The following GBE1 variants were observed in gnomAD, a reference collection of about 807,000 sequenced individuals.
The protein encoded by GBE1 is 1,4-alpha-glucan-branching enzyme.
In GBE1, 70 loss-of-function variants were observed where a neutral mutation model predicts 88.8. That is an observed-to-expected ratio of 0.79 (90% CI 0.65 to 0.96). The LOEUF (loss-of-function observed/expected upper bound fraction) is 0.96, where lower values mean the gene tolerates loss of function less well. Among genes scored for constraint, GBE1 ranks in the 40% least tolerant of loss-of-function variants. The pLI is 0.00. For missense variants in GBE1, 872 were observed against 871.0 expected, an observed-to-expected ratio of 1.00 and a Z score of -0.01; for synonymous variants, 284 against 300.1, an observed-to-expected ratio of 0.95 and a Z score of 0.56.
intron 3 of GBE1, among the ~76,000 whole-genome samples, chr3:81,665,400 G>T (rs1166030576): frequency 1.3e-5 from 2 of 152,052 alleles, no homozygotes; most frequent in Non-Finnish European, 2.9e-5. Flanking sequence ...GCCGGGCGTG[G>T]TGGCGGGCGC....
chr3:81,532,513 C>A (rs1033502605), intron 14 of GBE1, among the ~76,000 whole-genome samples: 1 of 151,986 alleles, frequency 6.6e-6, no homozygotes, highest in African/African-American at 2.4e-5. Context: ...TTAGTTCATG[C>A]CCTAATTATC....
intron 1 of GBE1, among the ~76,000 whole-genome samples, chr3:81,735,571 G>A (rs567445586): frequency 1.0e-3 from 157 of 152,314 alleles, no homozygotes; most frequent in African/African-American, 1.3e-3. Context: ...TTTTCCAGGC[G>A]ACTTCCATAA....
intron 2 of GBE1, among the ~76,000 whole-genome samples, chr3:81,685,289 C>A: frequency 6.6e-6 from 1 of 152,134 alleles, no homozygotes; most frequent in South Asian, 2.1e-4. Context: ...ACCTCCTCTC[C>A]TTCAGTCCGT....
intron 12 of GBE1, among the ~76,000 whole-genome samples, chr3:81,564,170 C>A (rs1703459381): frequency 6.6e-6 from 1 of 152,078 alleles, no homozygotes; most frequent in Non-Finnish European, 1.5e-5. Flanking sequence ...GCACCTCTGT[C>A]CATTTCTCCA....
intron 9 of GBE1, among the ~76,000 whole-genome samples, 154 bp downstream of exon 9, chr3:81,590,883 T>C (rs998571345): frequency 6.6e-6 from 1 of 152,066 alleles, no homozygotes; most frequent in African/African-American, 2.4e-5. Flanking sequence ...TTCTAAATAA[T>C]GTGCCACCCA....
chr3:81,551,614 C>T (rs1339173804), intron 12 of GBE1, among the ~76,000 whole-genome samples: 2 of 152,172 alleles, frequency 1.3e-5, no homozygotes, highest in Non-Finnish European at 2.9e-5. Flanking sequence ...AGTTGTCCCA[C>T]CTGTCCTTCA....
intron 12 of GBE1, among the ~76,000 whole-genome samples, chr3:81,565,325 T>C (rs1264308160): frequency 1.3e-5 from 2 of 152,166 alleles, no homozygotes; most frequent in Non-Finnish European, 1.5e-5. Flanking sequence ...CAGGAGAGTG[T>C]ATTTTGTCTT....
At chr3:81,525,733 A>T (rs879145277) in intron 14 of GBE1, among the ~76,000 whole-genome samples, 1 of 151,966 alleles carries the variant, frequency 6.6e-6, no homozygotes, top group African/African-American at 2.4e-5. Flanking sequence ...CTATTCAGAG[A>T]TTCAACTTCT....
chr3:81,649,002 T>C lies in GBE1; in HGVS notation c.556-11A>G. 1 of 1,539,272 alleles carries C rather than the reference T, an allele frequency of 6.5e-7. No homozygotes were observed. The highest frequency in any genetic ancestry group is 1.2e-5 in the South Asian group (1 of 81,330). On this transcript the variant is annotated splice_polypyrimidine_tract_variant and intron_variant, in intron 4 of 15. Coordinates refer to ENST00000429644, the MANE Select transcript of GBE1 (RefSeq NM_000158.4). ...TCTGGAATGCTTAAACTACAGAATATAAAATTATGTATAGAGTTAAGCCAG... is the reference window on the plus strand; with the variant it reads ...TCTGGAATGCTTAAACTACAGAATACAAAATTATGTATAGAGTTAAGCCAG...
intron 1 of GBE1, among the ~76,000 whole-genome samples, chr3:81,739,811 T>C (rs1575773037): frequency 1.3e-5 from 2 of 152,212 alleles, no homozygotes; most frequent in East Asian, 3.8e-4. Flanking sequence ...CTTTAGAAAG[T>C]ATTTCTGCTA....
At chr3:81,492,269 ATTTCACTGCTAATGCAATCC>A (rs1340797506) in intron 15 of GBE1, among the ~76,000 whole-genome samples, 1 of 152,216 alleles carries the variant, frequency 6.6e-6, no homozygotes, top group Non-Finnish European at 1.5e-5. Context: ...CCACATCAGA[ATTTCACTGCTAATGCAATCC>A]TTTCCATGCA....
chr3:81,625,458 A>G (rs901664212), intron 7 of GBE1, among the ~76,000 whole-genome samples: 1 of 150,884 alleles, frequency 6.6e-6, no homozygotes, highest in African/African-American at 2.4e-5. Context: ...TTTTTTTTTT[A>G]GACTGTGTCT....
At chr3:81,541,627 G>A (rs1703144696) in intron 12 of GBE1, among the ~76,000 whole-genome samples, 1 of 151,948 alleles carries the variant, frequency 6.6e-6, no homozygotes, top group African/African-American at 2.4e-5. Context: ...CTGCTGTGGA[G>A]GATACAGTGA....
At chr3:81,534,282 T>A (rs769817357) in intron 14 of GBE1, among the ~76,000 whole-genome samples, 1 of 152,074 alleles carries the variant, frequency 6.6e-6, no homozygotes, top group Non-Finnish European at 1.5e-5. Flanking sequence ...TTATCAAACT[T>A]ACAATGCCTA....
At chr3:81,711,217 C>A (rs1431170648) in intron 1 of GBE1, among the ~76,000 whole-genome samples, 1 of 152,042 alleles carries the variant, frequency 6.6e-6, no homozygotes, top group Non-Finnish European at 1.5e-5. Flanking sequence ...GGCCAGAAAC[C>A]CAAGAAACAC....
At chr3:81,539,103 T>C (rs558159802) in intron 12 of GBE1, among the ~76,000 whole-genome samples, 2 of 152,168 alleles carry the variant, frequency 1.3e-5, no homozygotes, top group East Asian at 1.9e-4. Context: ...ATTTCAATTT[T>C]ACAGATAAGG....
rs986418080 is a variant in GBE1 at position 81,601,299 on chromosome 3, G to A, written c.993-7276C>T. On this transcript the variant is annotated intron_variant, in intron 7 of 15. Coordinates refer to ENST00000429644, the MANE Select transcript of GBE1 (RefSeq NM_000158.4). The stretch of plus-strand genomic sequence containing the variant: ...AGAAAAGTTAAAAAACCATGTCCTG[G>A]ATCACTCAGGTAATAGGTACAGGTG... Among the ~76,000 whole-genome samples, 7 of 152,218 alleles carry A rather than the reference G, an allele frequency of 4.6e-5. No homozygotes were observed. In the East Asian group the frequency reaches 7.7e-4, roughly 17 times the overall value.
chr3:81,571,536 C>G (rs1006687152), intron 12 of GBE1, among the ~76,000 whole-genome samples: 1 of 151,958 alleles, frequency 6.6e-6, no homozygotes, highest in African/African-American at 2.4e-5. Flanking sequence ...TCGAGGTATA[C>G]CCGGAGAGTT....
intron 2 of GBE1, among the ~76,000 whole-genome samples, chr3:81,682,299 C>CA (rs34704930): frequency 4.2e-4 from 64 of 151,908 alleles, no homozygotes; most frequent in Non-Finnish European, 8.5e-4. Context: ...CCCATCTCTA[C>CA]AAAAAATAAC....
Sources: allele counts gnomAD v4.1 joint callset (sites outside exome capture counted in the v4.1 genomes callset), GRCh38; gene constraint gnomAD v4.1.1; transcripts MANE v1.5; gene names NCBI Gene and HGNC (gene_info 2026-07-23, HGNC 2026-07-21).